The following PLCB4 variants were observed in gnomAD, a reference collection of about 807,000 sequenced individuals.
PLCB4 encodes the protein 1-phosphatidylinositol 4,5-bisphosphate phosphodiesterase beta-4.
In PLCB4, 77 loss-of-function variants were observed where a neutral mutation model predicts 178.8. The observed-to-expected ratio is 0.43, with a 90% confidence interval of 0.36 to 0.52. PLCB4 has a LOEUF of 0.52. Among genes scored for constraint, PLCB4 ranks in the 20% least tolerant of loss-of-function variants. PLCB4 has a pLI of 0.00. For missense variants in PLCB4, 1,024 were observed against 1,453.4 expected, an observed-to-expected ratio of 0.70 and a Z score of 4.80; for synonymous variants, 496 against 490.8, an observed-to-expected ratio of 1.01 and a Z score of -0.14.
intron 30 of PLCB4, among the ~76,000 whole-genome samples, chr20:9,439,964 A>C (rs975514962): frequency 1.3e-5 from 2 of 152,246 alleles, no homozygotes; most frequent in Non-Finnish European, 2.9e-5. Flanking sequence ...TGGGAGGATT[A>C]GTATCAGTGA....
rs1028219060 is a variant in PLCB4 at position 9,411,168 on chromosome 20, A to G, written c.2051+80A>G. On this transcript the variant is annotated intron_variant, in intron 25 of 39. Transcript: ENST00000378473. ...CTCTAATGAAGCCATGTCATTTTCAATTAGGGGCTACAGAATTTAAGCTGG... is the reference window on the plus strand; with the variant it reads ...CTCTAATGAAGCCATGTCATTTTCAGTTAGGGGCTACAGAATTTAAGCTGG... 44 of 920,678 alleles carry G rather than the reference A, an allele frequency of 4.8e-5. No individual in the cohort carries two copies. In the Middle Eastern group the frequency reaches 6.5e-4, roughly 14 times the overall value. The allele number at this position is 920,678 out of a possible 1,614,324, so 57.0% of individuals were successfully genotyped here.
At chr20:9,402,784 C>G (rs6118593) in intron 20 of PLCB4, among the ~76,000 whole-genome samples, 4 of 152,146 alleles carry the variant, frequency 2.6e-5, no homozygotes, top group African/African-American at 9.7e-5. Context: ...CTCTAGTGTC[C>G]TTGTTTGAGG....
rs543729495 is a variant in PLCB4 at position 9,402,972 on chromosome 20, G to A, written c.1611+1382G>A. Among the ~76,000 whole-genome samples, 445 of 152,220 alleles carry A rather than the reference G, an allele frequency of 2.9e-3. 3 individuals are homozygous for A. Among genetic ancestry groups the A allele is most frequent in the Non-Finnish European group, 5.6e-3 (378 of 68,014 alleles). ...TCATTTCCTAACTGTCTAACTTTGG[G>A]TAAGTTACTTAACCTCTGTGTACCT... On this transcript the variant is annotated intron_variant, in intron 20 of 39. Coordinates refer to ENST00000378473, the MANE Select transcript of PLCB4 (RefSeq NM_001377142.1).
rs146376097 is a variant in PLCB4 at position 9,374,823 on chromosome 20, A to G, written c.744+1719A>G. Among the ~76,000 whole-genome samples the G allele has an allele frequency of 2.0e-3, 308 of 152,328 alleles. 2 individuals carry two copies. Among genetic ancestry groups the G allele is most frequent in the Middle Eastern group, 6.8e-3 (2 of 294 alleles). ...ACATAACATTTAATTTTTTAAAAAT[A>G]TCATCATCCATACTTTCTTGTTCTG... On this transcript the variant is annotated intron_variant, in intron 12 of 39. Transcript: ENST00000378473.
chr20:9,291,735 AT>A (rs2094581482), intron 3 of PLCB4, among the ~76,000 whole-genome samples: 1 of 152,134 alleles, frequency 6.6e-6, no homozygotes, highest in African/African-American at 2.4e-5. Flanking sequence ...GAGATTTGAG[AT>A]TTATGTAGGT....
intron 3 of PLCB4, among the ~76,000 whole-genome samples, chr20:9,232,214 G>T (rs189257149): frequency 2.2e-4 from 33 of 152,216 alleles, no homozygotes; most frequent in Admixed American, 1.9e-3. Context: ...TGATGGACAG[G>T]CCTCTAATAT....
chr20:9,103,552 CTCTT>C (rs1168883396), intron 2 of PLCB4, among the ~76,000 whole-genome samples: 2 of 152,126 alleles, frequency 1.3e-5, no homozygotes, highest in Non-Finnish European at 2.9e-5. Flanking sequence ...CTCTGGAAAA[CTCTT>C]TCAGAGAGTG....
At chr20:9,070,575 T>C (rs1345316836) in intron 1 of PLCB4, among the ~76,000 whole-genome samples, 3 of 152,220 alleles carry the variant, frequency 2.0e-5, no homozygotes, top group Admixed American at 1.3e-4. Flanking sequence ...TATTGATCTA[T>C]TATATCATCT....
chr20:9,287,313 A>G (rs962062778), intron 3 of PLCB4, among the ~76,000 whole-genome samples: 1 of 152,048 alleles, frequency 6.6e-6, no homozygotes, highest in East Asian at 1.9e-4. Flanking sequence ...AGAAGGGATT[A>G]TGAAGATAAC....
At chr20:9,404,952 T>C (rs917538672) in intron 20 of PLCB4, among the ~76,000 whole-genome samples, 2 of 152,194 alleles carry the variant, frequency 1.3e-5, no homozygotes, top group Non-Finnish European at 2.9e-5. Context: ...TATGGGGGGC[T>C]GCACCAGCAA....
intron 3 of PLCB4, among the ~76,000 whole-genome samples, chr20:9,282,403 A>G (rs531999839): frequency 4.6e-5 from 7 of 152,148 alleles, no homozygotes; most frequent in Middle Eastern, 3.4e-3. Flanking sequence ...TTACAGTTTT[A>G]TGTACTTCAG....
intron 13 of PLCB4, among the ~76,000 whole-genome samples, chr20:9,382,729 CT>C (rs1157955911): frequency 2.0e-5 from 3 of 152,196 alleles, no homozygotes; most frequent in Non-Finnish European, 4.4e-5. Flanking sequence ...ACCTTCCTCC[CT>C]GCTTTCTCTG....
chr20:9,327,315 T>C (rs1046680550), intron 4 of PLCB4, among the ~76,000 whole-genome samples: 1 of 151,396 alleles, frequency 6.6e-6, no homozygotes, highest in Non-Finnish European at 1.5e-5. Context: ...GCCATGATAG[T>C]GAATGCCTGT....
intron 3 of PLCB4, among the ~76,000 whole-genome samples, chr20:9,265,783 C>T (rs78865170): frequency 1.5e-3 from 228 of 152,264 alleles, no homozygotes; most frequent in African/African-American, 5.3e-3. Flanking sequence ...TCTAGCAGTG[C>T]TGTTGATGGA....
Position 9,337,557 on chromosome 20 carries a change from A to C in PLCB4, c.165+351A>C, listed in dbSNP as rs372778547. ...AAGCTGAAATCTAAAAGGTACATTA[A>C]AAGTGTGTTCATCTCATTATACCCT... On this transcript the variant is annotated intron_variant, in intron 5 of 39. Coordinates refer to ENST00000378473, the MANE Select transcript of PLCB4 (RefSeq NM_001377142.1). 6.6e-5 allele frequency among the ~76,000 whole-genome samples: 10 copies of C among 152,304 alleles called. No individual in the cohort carries two copies. In the East Asian group the frequency reaches 1.9e-3, roughly 29 times the overall value.
intron 4 of PLCB4, among the ~76,000 whole-genome samples, chr20:9,315,130 GACAGAATATT>G (rs1177280712): frequency 6.6e-6 from 1 of 152,132 alleles, no homozygotes; most frequent in Non-Finnish European, 1.5e-5. Context: ...AAGAACCTCT[GACAGAATATT>G]CTGAATTATA....
In PLCB4 at chr20:9,371,301, C is replaced by T; in HGVS notation, c.585+6C>T. On this transcript the variant is annotated splice_donor_region_variant and intron_variant, in intron 10 of 39. Transcript: ENST00000378473. Reference sequence around the variant, plus strand: ...TAGGTCTTCCCAGTGGAAAGGTATGCATTAACTTAATAATGTATTTCTAAA... The same window carrying T: ...TAGGTCTTCCCAGTGGAAAGGTATGTATTAACTTAATAATGTATTTCTAAA... 1.3e-6 allele frequency: 2 copies of T among 1,484,554 alleles called. No individual in the cohort carries two copies. Among genetic ancestry groups the T allele is most frequent in the East Asian group, 2.3e-5 (1 of 44,222 alleles). The allele number at this position is 1,484,554 out of a possible 1,614,324, so 92.0% of individuals were successfully genotyped here. A position where few individuals can be genotyped will look rare whatever the true frequency, so the allele number is the denominator to read the frequency against.
At chr20:9,310,604 T>C (rs1034939991) in intron 4 of PLCB4, among the ~76,000 whole-genome samples, 5 of 151,588 alleles carry the variant, frequency 3.3e-5, no homozygotes, top group Admixed American at 6.6e-5. Flanking sequence ...CCCAGCTACT[T>C]GGGAGGCTGA....
chr20:9,432,253 A>G (rs1398388246), intron 28 of PLCB4, among the ~76,000 whole-genome samples: 1 of 152,220 alleles, frequency 6.6e-6, no homozygotes, highest in Admixed American at 6.5e-5. Context: ...ATCATTTAAT[A>G]TCTTGCTTTA....
Sources: allele counts gnomAD v4.1 joint callset (sites outside exome capture counted in the v4.1 genomes callset), GRCh38; gene constraint gnomAD v4.1.1; transcripts MANE v1.5; gene names NCBI Gene and HGNC (gene_info 2026-07-23, HGNC 2026-07-21).